MACF1: variants seen among roughly 807,000 people sequenced by gnomAD.
MACF1 encodes the protein microtubule actin crosslinking factor 1, also known as microtubule-actin cross-linking factor 1.
Under a neutral mutation model 854.8 loss-of-function variants are expected in MACF1, and 193 were observed. That is an observed-to-expected ratio of 0.23 (90% CI 0.20 to 0.25). The LOEUF (loss-of-function observed/expected upper bound fraction) is 0.25. MACF1 is among the 10% of genes least tolerant of loss of function. MACF1 has a pLI of 1.00. For synonymous variants in MACF1, 3,185 were observed against 3,226.7 expected (o/e 0.99, Z 0.44); for missense variants, 7,722 against 8,929.1 (o/e 0.86, Z 5.45).
At chr1:39,115,696 A>G (rs933068494) in intron 2 of MACF1, among the ~76,000 whole-genome samples, 1 of 152,082 alleles carries the variant, frequency 6.6e-6, no homozygotes, top group African/African-American at 2.4e-5. Flanking sequence ...AGGAGGGGAG[A>G]AGGAGCTGGC....
intron 98 of MACF1, 56 bp downstream of exon 98, chr1:39,480,065 C>A: frequency 9.0e-7 from 1 of 1,105,572 alleles, no homozygotes; most frequent in South Asian, 1.3e-5. Flanking sequence ...CACAGATGTT[C>A]ATTGTTCACG....
chr1:39,103,559 A>G (rs1642145285), intron 2 of MACF1: 1 of 152,806 alleles, frequency 6.5e-6, no homozygotes, highest in African/African-American at 2.4e-5. Context: ...TCAATCAGCA[A>G]CTCATCCTGC....
At chr1:39,479,298 G>C (rs1644971374) in intron 97 of MACF1, among the ~76,000 whole-genome samples, 2 of 152,026 alleles carry the variant, frequency 1.3e-5, no homozygotes, top group South Asian at 4.2e-4. Context: ...CTGAGTTCCT[G>C]GACTCCTTTC....
intron 53 of MACF1, 68 bp from the exon 54 acceptor site, chr1:39,379,135 G>C: frequency 6.9e-7 from 1 of 1,456,158 alleles, no homozygotes; most frequent in Admixed American, 2.3e-5. Context: ...AAGTAATTTA[G>C]GAGTGAGGAG....
chr1:39,317,115 T>C, intron 28 of MACF1, 99 bp from the exon 29 acceptor site: 1 of 1,197,638 alleles, frequency 8.3e-7, no homozygotes, highest in Non-Finnish European at 1.2e-6. Context: ...ATATACAATG[T>C]GGAAATAGCT....
chr1:39,206,276 A>T (rs555108892), intron 1 of MACF1, among the ~76,000 whole-genome samples: 4 of 152,312 alleles, frequency 2.6e-5, no homozygotes, highest in East Asian at 1.9e-4. Flanking sequence ...TGGTGTTTTT[A>T]AAAAAGCCAC....
intron 2 of MACF1, among the ~76,000 whole-genome samples, chr1:39,146,613 A>G (rs1412612707): frequency 6.6e-6 from 1 of 152,176 alleles, no homozygotes; most frequent in Non-Finnish European, 1.5e-5. Flanking sequence ...CAAACATTGC[A>G]TGTTCTTACT....
rs948732329 is a variant in MACF1 at position 39,439,488 on chromosome 1, T to A, written c.18435T>A (p.Val6145=). 6.2e-7 allele frequency: 1 copy of A among 1,613,926 alleles called. No homozygotes were observed. Among genetic ancestry groups the A allele is most frequent in the Non-Finnish European group, 8.5e-7 (1 of 1,179,796 alleles). ...ATCCTTCCATCATCAAACAACAGGT[T>A]GAAGCTGCTGAGGTAAGAAGGAAAC... The part of the protein sequence containing the change: ...GIDPSIIKQQ[V]EAAETIKEET... Residue 6145 remains valine, a synonymous_variant, in exon 72 of 101, where the codon GTT becomes GTA. Transcript: ENST00000564288.
At chr1:39,223,682 A>G (rs1644680589) in intron 1 of MACF1, among the ~76,000 whole-genome samples, 1 of 151,824 alleles carries the variant, frequency 6.6e-6, no homozygotes. Context: ...ACGTCTGGCT[A>G]ATTTTTGTAT....
Position 39,370,193 on chromosome 1 carries a change from G to A in MACF1, c.13095+7G>A, listed in dbSNP as rs1030244741. 4 of 1,600,606 alleles carry A rather than the reference G, an allele frequency of 2.5e-6. No individual in the cohort carries two copies. The highest frequency in any genetic ancestry group is 1.7e-4 in the Middle Eastern group (1 of 6,046). ...GCAGATTGAACACCTGAAGGTAGGT[G>A]AACAAAGGGACTCCAAGAATTGGGC... On this transcript the variant is annotated splice_region_variant and intron_variant, in intron 51 of 100. Coordinates refer to ENST00000564288, the MANE Select transcript of MACF1 (RefSeq NM_001394062.1).
In MACF1 at chr1:39,350,837, A is replaced by G. The variant is rs1318963210; in HGVS notation, c.11018A>G (p.Lys3673Arg). 6.2e-7 allele frequency: 1 copy of G among 1,614,038 alleles called. No homozygotes were observed. The highest frequency in any genetic ancestry group is 8.5e-7 in the Non-Finnish European group (1 of 1,179,942). Residue 3673 changes from lysine (K) to arginine (R), a missense_variant, in exon 43 of 101, where the codon AAG becomes AGG. Physicochemically the swap from Lys to Arg is conservative, Grantham distance 26. Transcript: ENST00000564288. ...NRATSFATVV[K>R]DIEGFMEENQ... ...GCCACCTCATTTGCCACTGTTGTCA[A>G]GGACATTGAGGGGTTCATGGAAGAG... is the stretch of plus-strand genomic sequence containing the variant.
chr1:39,312,600 G>A (rs1042149728), intron 26 of MACF1, among the ~76,000 whole-genome samples: 30 of 152,214 alleles, frequency 2.0e-4, no homozygotes, highest in South Asian at 1.7e-3. Flanking sequence ...TGATGTAGGC[G>A]GATTGCATGA....
At chr1:39,180,040 G>A (rs1454487874) in intron 2 of MACF1, among the ~76,000 whole-genome samples, 1 of 151,846 alleles carries the variant, frequency 6.6e-6, no homozygotes, top group Non-Finnish European at 1.5e-5. Context: ...AAAAAATGAA[G>A]TTATGCTCTC....
Position 39,287,367 on chromosome 1 carries a change from T to G in MACF1, c.1590T>G (p.Leu530=), listed in dbSNP as rs773773461. ...ACCGGAAGGGTCATTTCACTTCACT[T>G]GAATTGGTTCCACCCTCTACTTTAA... The part of the protein sequence containing the change: ...NLYRKGHFTS[L]ELVPPSTLTT... The change falls in exon 15 of 101, where the codon CTT becomes CTG. Residue 530 remains leucine (L), a synonymous_variant. Transcript: ENST00000564288. The G allele has an allele frequency of 6.2e-7, 1 of 1,614,174 alleles. No individual in the cohort carries two copies. Among genetic ancestry groups the G allele is most frequent in the South Asian group, 1.1e-5 (1 of 91,090 alleles).
intron 21 of MACF1, 145 bp from the exon 22 acceptor site, chr1:39,300,065 A>G: frequency 1.3e-6 from 1 of 775,034 alleles, no homozygotes; most frequent in Non-Finnish European, 2.0e-6. Context: ...TCATTGTCTA[A>G]GTCTTTAAGA....
intron 2 of MACF1, among the ~76,000 whole-genome samples, chr1:39,186,986 A>ATTT (rs11427661): frequency 6.1e-4 from 82 of 134,622 alleles, no homozygotes; most frequent in East Asian, 3.2e-3. Context: ...GTGATTCTTG[A>ATTT]TTTTTTTTTT....
Position 39,380,386 on chromosome 1 carries a change from A to C in MACF1, c.13648+13A>C. 6.2e-7 allele frequency: 1 copy of C among 1,608,948 alleles called. No homozygotes were observed. Among genetic ancestry groups the C allele is most frequent in the Non-Finnish European group, 8.5e-7 (1 of 1,178,096 alleles). ...CAGGAAGAACTCAGTAAGTTTTCACAAGAGTGTTACAAATTTGCTAAGTTA... is the reference window on the plus strand; with the variant it reads ...CAGGAAGAACTCAGTAAGTTTTCACCAGAGTGTTACAAATTTGCTAAGTTA... On this transcript the variant is annotated intron_variant, in intron 55 of 100. Transcript: ENST00000564288.
chr1:39,287,266 T>A lies in MACF1; in HGVS notation c.1509-20T>A, dbSNP rs1645663678. 6.2e-7 allele frequency: 1 copy of A among 1,608,088 alleles called. No homozygotes were observed. The highest frequency in any genetic ancestry group is 1.3e-5 in the African/African-American group (1 of 74,578). ...ACTATAGATTTAAATCCTTTCCTTT[T>A]TTCTCTTCTTCCATTTCAGGGTCAT... On this transcript the variant is annotated intron_variant, in intron 14 of 100. Transcript: ENST00000564288.
Position 39,443,509 on chromosome 1 carries a change from C to T in MACF1, c.19366C>T (p.Leu6456Phe). ...GGAACTTACTAGAATGGAGAGCCAGCTTTCTGCATCTAAGCCCACAGGAGG... is the reference window on the plus strand; with the variant it reads ...GGAACTTACTAGAATGGAGAGCCAGTTTTCTGCATCTAAGCCCACAGGAGG... ...LLELTRMESQ[L>F]SASKPTGGLP... The change falls in exon 79 of 101, where the codon CTT (leucine) becomes TTT (phenylalanine). Residue 6456 changes from leucine to phenylalanine, a missense_variant. Physicochemically the swap from Leu to Phe is conservative, Grantham distance 22 (BLOSUM62 0). This residue lies in a region of MACF1 where 729 missense variants were observed against 900.5 expected (regional missense o/e 0.81). Transcript: ENST00000564288. The T allele has an allele frequency of 6.2e-7, 1 of 1,613,898 alleles. No homozygotes were observed. Among genetic ancestry groups the T allele is most frequent in the African/African-American group, 1.3e-5 (1 of 75,042 alleles).
Sources: gnomAD v4.1 joint callset for allele counts (sites outside exome capture counted in the v4.1 genomes callset) on GRCh38, gnomAD v4.1.1 for gene constraint, gnomAD v4.1.1 regional missense constraint, MANE v1.5 for transcripts, NCBI Gene and HGNC (gene_info 2026-07-23, HGNC 2026-07-21) for gene names.